Variants in NEK4 observed in about 807,000 individuals in gnomAD.
NEK4 encodes the protein serine/threonine-protein kinase Nek4.
Under a neutral mutation model 98.4 loss-of-function variants are expected in NEK4, and 86 were observed. The ratio of observed to expected loss-of-function variants is 0.87; its 90% CI spans 0.73 to 1.05. The LOEUF (loss-of-function observed/expected upper bound fraction) is 1.05. NEK4 is among the 50% of genes least tolerant of loss of function. The pLI is 0.00. For synonymous variants in NEK4, 328 were observed against 342.2 expected, an observed-to-expected ratio of 0.96 and a Z score of 0.46; for missense variants, 898 against 950.3, an observed-to-expected ratio of 0.94 and a Z score of 0.72.
intron 15 of NEK4, among the ~76,000 whole-genome samples, chr3:52,722,389 G>A (rs1396100480): frequency 1.3e-5 from 2 of 152,166 alleles, no homozygotes; most frequent in Non-Finnish European, 2.9e-5. Context: ...GGTGGGGCAT[G>A]GCCAGCCAGA....
At chr3:52,725,990 A>G (rs561557534) in intron 15 of NEK4, among the ~76,000 whole-genome samples, 7 of 152,162 alleles carry the variant, frequency 4.6e-5, no homozygotes, top group African/African-American at 1.4e-4. Context: ...ATATCTAAAG[A>G]CACAAAAAAA....
In NEK4 at chr3:52,746,768, CCT is replaced by C. The variant is rs2097396809; in HGVS notation, c.1641_1642del (p.Glu549LysfsTer38). On this transcript the variant is annotated frameshift_variant, in exon 9 of 16. Coordinates refer to ENST00000233027, the MANE Select transcript of NEK4 (RefSeq NM_003157.6). LOFTEE classifies it high-confidence loss of function. ...ATCTCTGCGGACCTGTCTCTTTTCCCCTCTGTGCTCAGTCTGTTCTCTCCTCT... is the reference window on the plus strand; with the variant it reads ...ATCTCTGCGGACCTGTCTCTTTTCCCCTGTGCTCAGTCTGTTCTCTCCTCT... 1.2e-6 allele frequency: 2 copies of C among 1,613,966 alleles called. No homozygotes were observed. Among genetic ancestry groups the C allele is most frequent in the African/African-American group, 1.3e-5 (1 of 75,036 alleles).
chr3:52,737,771 A>G (rs1162269730), intron 14 of NEK4, 52 bp from the exon 15 acceptor site: 1 of 1,344,212 alleles, frequency 7.4e-7, no homozygotes, highest in Non-Finnish European at 1.0e-6. Context: ...TTACCACTAT[A>G]GCAAGAACAC....
intron 6 of NEK4, among the ~76,000 whole-genome samples, chr3:52,758,654 C>CA (rs541719448): frequency 1.1e-3 from 164 of 143,362 alleles, no homozygotes; most frequent in African/African-American, 3.4e-3. Context: ...TTTTTAAAAA[C>CA]AAAAAAAAAA....
intron 13 of NEK4, 64 bp downstream of exon 13, chr3:52,741,347 G>T: frequency 1.1e-6 from 1 of 942,606 alleles, no homozygotes; most frequent in Non-Finnish European, 1.7e-6. Context: ...TACTGAAAAT[G>T]CACATTTAAT....
chr3:52,741,223 C>T (rs374179768), intron 13 of NEK4, among the ~76,000 whole-genome samples, 188 bp downstream of exon 13: 4 of 124,706 alleles, frequency 3.2e-5, no homozygotes, highest in East Asian at 2.2e-4. Flanking sequence ...GCAACAAGAG[C>T]GAAACTCCGT....
intron 15 of NEK4, among the ~76,000 whole-genome samples, chr3:52,719,442 G>A (rs914747619): frequency 6.6e-6 from 1 of 152,010 alleles, no homozygotes; most frequent in Non-Finnish European, 1.5e-5. Context: ...AATTAGCCAG[G>A]TATGGTGACA....
intron 7 of NEK4, among the ~76,000 whole-genome samples, chr3:52,750,852 G>T (rs1416144615): frequency 6.6e-6 from 1 of 151,964 alleles, no homozygotes; most frequent in Non-Finnish European, 1.5e-5. Flanking sequence ...GATCACTTAA[G>T]CCCAGGAAGT....
intron 15 of NEK4, among the ~76,000 whole-genome samples, chr3:52,724,233 AC>A (rs2097362537): frequency 2.8e-5 from 1 of 35,184 alleles, no homozygotes; most frequent in Admixed American, 3.9e-4. Context: ...TTGTCTTAAA[AC>A]ACACACACAC....
At position 52,733,937 on chromosome 3, in the gene NEK4, C is replaced by T. The variant is rs2097372357; in HGVS notation, c.2433+3649G>A. On this transcript the variant is annotated intron_variant, in intron 15 of 15. Coordinates refer to ENST00000233027, the MANE Select transcript of NEK4 (RefSeq NM_003157.6). ...TTGGAAGACTCACATAGGTCACAAA[C>T]GTTATAAATGTAATAAATGTGGCAA... The T allele has an allele frequency of 1.3e-4, 32 of 242,344 alleles. No homozygotes were observed. In the South Asian group the frequency reaches 1.5e-3, roughly 12 times the overall value. The allele number at this position is 242,344 out of a possible 1,614,324, so 15.0% of individuals were successfully genotyped here. A position where few individuals can be genotyped will look rare whatever the true frequency, so the allele number is the denominator to read the frequency against.
chr3:52,763,537 C>G lies in NEK4; in HGVS notation c.754G>C (p.Val252Leu). 6.2e-7 allele frequency: 1 copy of G among 1,614,200 alleles called. No homozygotes were observed. ...LSKRPEERPS[V>L]RSILRQPYIK... ...TAAGGCTGCCTCAGGATGCTCCTCA[C>G]AGACGGCCTTTCTTCAGGCCTTTTG... The change falls in exon 5 of 16, where the codon GTG becomes CTG. Residue 252 changes from valine to leucine, a missense_variant. By Grantham distance (32) the Val-to-Leu change is conservative (BLOSUM62 1). Coordinates refer to ENST00000233027, the MANE Select transcript of NEK4 (RefSeq NM_003157.6).
rs2097349296 is a variant in NEK4 at position 52,710,443 on chromosome 3, G to A, written c.*1334C>T. ...TTTGTGTGTGTGTGTAATTTTCAAA[G>A]ATAGATATATTTTTAGTTATAGAAA... On this transcript the variant is annotated 3_prime_UTR_variant, in exon 16 of 16. Transcript: ENST00000233027. The A allele has an allele frequency of 6.6e-6, 1 of 151,874 alleles. No individual in the cohort carries two copies. The highest frequency in any genetic ancestry group is 6.6e-5 in the Admixed American group (1 of 15,220). The allele number at this position is 151,874 out of a possible 1,614,324, so 9.4% of individuals were successfully genotyped here.
Position 52,760,793 on chromosome 3 carries a change from A to AC in NEK4, c.963+1dup. 6.3e-7 allele frequency: 1 copy of AC among 1,597,138 alleles called. No individual in the cohort carries two copies. Among genetic ancestry groups the AC allele is most frequent in the Non-Finnish European group, 8.5e-7 (1 of 1,173,210 alleles). The stretch of plus-strand genomic sequence containing the variant: ...ACACATACCCTTTAAAAAGAAACGT[A>AC]CCATTATATATGTCTGGGAGCCCTC... On this transcript the variant is annotated splice_donor_variant, in intron 6 of 15. Transcript: ENST00000233027. LOFTEE classifies it high-confidence loss of function.
At chr3:52,750,732 G>A (rs1475971363) in intron 7 of NEK4, among the ~76,000 whole-genome samples, 1 of 152,072 alleles carries the variant, frequency 6.6e-6, no homozygotes, top group African/African-American at 2.4e-5. Flanking sequence ...TTTGAGACCA[G>A]CCTGGGCAAC....
Position 52,768,474 on chromosome 3 carries a change from C to T in NEK4, c.224G>A (p.Gly75Glu). 5 of 1,614,210 alleles carry T rather than the reference C, an allele frequency of 3.1e-6. No individual in the cohort carries two copies. Among genetic ancestry groups the T allele is most frequent in the Non-Finnish European group, 3.4e-6 (4 of 1,180,034 alleles). ...CATGACAATGTAGAGCAGACCATCT[C>T]CTCCTTCCCATGACTCCTTGTAGGT... Reference protein sequence around the residue: ...IVTYKESWEGGDGLLYIVMGF... With the variant: ...IVTYKESWEGEDGLLYIVMGF... The change falls in exon 2 of 16, where the codon GGA (glycine) becomes GAA (glutamate). Residue 75 changes from glycine to glutamate, a missense_variant. Transcript: ENST00000233027.
rs71087016 is a variant in NEK4, at chr3:52,752,900, C to CAAAAAAAAAAAAAAAAA, written c.964-581_964-565dup. ...GGGCAACAGGAGTGAAACCCTGCCTCAAAAAAAAAAAAAAAAAATATATAT... is the reference window on the plus strand; with the variant it reads ...GGGCAACAGGAGTGAAACCCTGCCTCAAAAAAAAAAAAAAAAAAAAAAAAAAAAAAAAAAATATATAT... On this transcript the variant is annotated intron_variant, in intron 6 of 15. Coordinates refer to ENST00000233027, the MANE Select transcript of NEK4 (RefSeq NM_003157.6). Among the ~76,000 whole-genome samples the CAAAAAAAAAAAAAAAAA allele has an allele frequency of 7.8e-4, 39 of 49,896 alleles. 8 individuals are homozygous for CAAAAAAAAAAAAAAAAA. The highest frequency in any genetic ancestry group is 1.5e-3 in the South Asian group (3 of 1,944). The allele number at this position is 49,896 out of a possible 152,430, so 32.7% of individuals were successfully genotyped here.
At chr3:52,730,764 C>T (rs537157522) in intron 15 of NEK4, among the ~76,000 whole-genome samples, 15 of 152,260 alleles carry the variant, frequency 9.9e-5, no homozygotes, top group African/African-American at 3.6e-4. Flanking sequence ...AGCATCTGAG[C>T]ATGGAGCTTT....
intron 15 of NEK4, among the ~76,000 whole-genome samples, chr3:52,728,283 G>A (rs2097366414): frequency 6.6e-6 from 1 of 152,196 alleles, no homozygotes; most frequent in African/African-American, 2.4e-5. Context: ...GGCTGAGGTG[G>A]GAGGATCACT....
At chr3:52,752,864 C>T (rs1253750117) in intron 6 of NEK4, among the ~76,000 whole-genome samples, 1 of 140,140 alleles carries the variant, frequency 7.1e-6, no homozygotes, top group East Asian at 2.1e-4. Flanking sequence ...CCCGCCACTG[C>T]ACTCCAGCCT....
Sources: gnomAD v4.1 joint callset for allele counts (sites outside exome capture counted in the v4.1 genomes callset) on GRCh38, gnomAD v4.1.1 for gene constraint, MANE v1.5 for transcripts, NCBI Gene and HGNC (gene_info 2026-07-23, HGNC 2026-07-21) for gene names.